Variants in PPP1CA observed in about 807,000 individuals in gnomAD.
The protein encoded by PPP1CA is protein phosphatase 1 catalytic subunit alpha.
PPP1CA carries 14 observed loss-of-function variants against 38.5 expected under a neutral mutation model. That is an observed-to-expected ratio of 0.36 (90% confidence interval 0.24 to 0.57). PPP1CA has a LOEUF of 0.57. PPP1CA is among the 20% of genes least tolerant of loss of function. PPP1CA has a pLI of 0.80. For synonymous variants in PPP1CA, 200 were observed against 177.3 expected (o/e 1.13, Z -1.02); for missense variants, 277 against 435.2 (o/e 0.64, Z 3.23).
rs963126469 is a variant in PPP1CA, at chr11:67,401,762, G to A, written c.21C>T (p.Leu7=). 2.0e-6 allele frequency: 3 copies of A among 1,477,808 alleles called. No individual in the cohort carries two copies. The highest frequency in any genetic ancestry group is 2.7e-6 in the Non-Finnish European group (3 of 1,105,094). 91.5% of individuals were successfully genotyped at this position (1,477,808 alleles called of 1,614,324 possible). A position where few individuals can be genotyped will look rare whatever the true frequency, so the allele number is the denominator to read the frequency against. ...GGCGCCCGATGATCGAGTCCAGGTT[G>A]AGCTTCTCGCTGTCGGACATGGCGG... MSDSEK[L]NLDSIIGRLL... is the part of the protein sequence containing the mutation. The change falls in exon 1 of 7, where the codon CTC becomes CTT. Residue 7 remains leucine, a synonymous_variant. Coordinates refer to ENST00000376745, the MANE Select transcript of PPP1CA (RefSeq NM_002708.4).
chr11:67,398,398 G>C lies in PPP1CA; in HGVS notation c.*137C>G, dbSNP rs1019195800. On this transcript the variant is annotated 3_prime_UTR_variant, in exon 7 of 7. Transcript: ENST00000376745. ...CGCTGCTATTGATTCATTAAAAAAA[G>C]AAAAGAAAAATACACCAAGGCTCCA... is the stretch of plus-strand genomic sequence containing the variant. 2.3e-6 allele frequency: 2 copies of C among 884,730 alleles called. No individual in the cohort carries two copies. The highest frequency in any genetic ancestry group is 5.3e-5 in the East Asian group (2 of 37,620). The allele number at this position is 884,730 out of a possible 1,614,324, so 54.8% of individuals were successfully genotyped here.
chr11:67,399,544 G>C lies in PPP1CA; in HGVS notation c.523+17C>G, dbSNP rs775355562. On this transcript the variant is annotated intron_variant, in intron 4 of 6. Coordinates refer to ENST00000376745, the MANE Select transcript of PPP1CA (RefSeq NM_002708.4). The stretch of plus-strand genomic sequence containing the variant: ...ATGCGGCCAGTGCTCCTCCTCCCCA[G>C]CCATCCCCTCCCTCACCTCCGTGGC... The C allele has an allele frequency of 3.1e-6, 5 of 1,610,530 alleles. No individual in the cohort carries two copies. The South Asian group carries it at 5.5e-5, about 18-fold the overall frequency.
In PPP1CA at chr11:67,399,574, G is replaced by A. The variant is rs1397627501; in HGVS notation, c.510C>T (p.Phe170=). ...PIAAIVDEKI[F]CCHGGLSPDL... is the part of the protein sequence containing the mutation. ...CCCCTCCCTCACCTCCGTGGCAGCA[G>A]AAGATCTTTTCGTCCACTATGGCCG... is the stretch of plus-strand genomic sequence containing the variant. Residue 170 remains phenylalanine (F), a synonymous_variant, in exon 4 of 7, where the codon TTC becomes TTT. Coordinates refer to ENST00000376745, the MANE Select transcript of PPP1CA (RefSeq NM_002708.4). 3 of 1,613,938 alleles carry A rather than the reference G, an allele frequency of 1.9e-6. No homozygotes were observed. The highest frequency in any genetic ancestry group is 2.7e-5 in the African/African-American group (2 of 74,940).
chr11:67,401,343 G>A (rs1343844649), intron 1 of PPP1CA, 144 bp from the exon 2 acceptor site: 13 of 1,401,508 alleles, frequency 9.3e-6, no homozygotes, highest in African/African-American at 1.4e-5. Flanking sequence ...TGAGCCTCCC[G>A]GGACCGCGGC....
chr11:67,401,690 G>C, intron 1 of PPP1CA, 38 bp downstream of exon 1: 1 of 1,374,772 alleles, frequency 7.3e-7, no homozygotes, highest in South Asian at 1.7e-5. Flanking sequence ...CAGGGGGCCA[G>C]GGCGCGGCGG....
In PPP1CA at chr11:67,401,840, G is replaced by C. The variant is rs529400097; in HGVS notation, c.-58C>G. On this transcript the variant is annotated 5_prime_UTR_variant, in exon 1 of 7. Transcript: ENST00000376745. ...GGCCCGCTCCTGCCTCCCGCCCTCC[G>C]GCAGCCTCCTTCCGGCCTGGCTCTC... 6.1e-6 allele frequency: 8 copies of C among 1,316,002 alleles called. No individual in the cohort carries two copies. In the East Asian group the frequency reaches 9.6e-5, roughly 16 times the overall value. 81.5% of individuals were successfully genotyped at this position (1,316,002 alleles called of 1,614,324 possible).
At chr11:67,400,448 G>A (rs576508569) in intron 3 of PPP1CA, among the ~76,000 whole-genome samples, 2 of 152,344 alleles carry the variant, frequency 1.3e-5, no homozygotes, top group East Asian at 3.9e-4. Flanking sequence ...TAGGGGGAGT[G>A]TCACCAGGCA....
In PPP1CA at chr11:67,401,754, T is replaced by C. The variant is rs766387418; in HGVS notation, c.29A>G (p.Asp10Gly). 3 of 1,477,346 alleles carry C rather than the reference T, an allele frequency of 2.0e-6. No individual in the cohort carries two copies. The highest frequency in any genetic ancestry group is 2.7e-6 in the Non-Finnish European group (3 of 1,105,292). The allele number at this position is 1,477,346 out of a possible 1,614,324, so 91.5% of individuals were successfully genotyped here. The change falls in exon 1 of 7, where the codon GAC becomes GGC. Residue 10 changes from aspartate (D) to glycine (G), a missense_variant. Around this residue, in one of 3 missense-constraint regions of PPP1CA, gnomAD observed 44 missense variants for 27.4 expected, o/e 1.60. Coordinates refer to ENST00000376745, the MANE Select transcript of PPP1CA (RefSeq NM_002708.4). MSDSEKLNLDSIIGRLLEVQ... is the reference protein window; with the variant it reads MSDSEKLNLGSIIGRLLEVQ... ...TTCCAGCAGGCGCCCGATGATCGAGTCCAGGTTGAGCTTCTCGCTGTCGGA... is the reference window on the plus strand; with the variant it reads ...TTCCAGCAGGCGCCCGATGATCGAGCCCAGGTTGAGCTTCTCGCTGTCGGA...
intron 1 of PPP1CA, 171 bp downstream of exon 1, chr11:67,401,557 C>G (rs955951598): frequency 1.4e-5 from 8 of 584,428 alleles, no homozygotes; most frequent in African/African-American, 3.9e-5. Context: ...CGCGTCGGAG[C>G]TGGCCCCGGA....
At chr11:67,400,585 G>T in intron 3 of PPP1CA, 104 bp downstream of exon 3, 1 of 1,163,498 alleles carries the variant, frequency 8.6e-7, no homozygotes, top group South Asian at 1.3e-5. Flanking sequence ...GGAGCGCACA[G>T]TCTATCAAGT....
chr11:67,399,697 G>T, intron 3 of PPP1CA, 32 bp from the exon 4 acceptor site: 1 of 1,557,812 alleles, frequency 6.4e-7, no homozygotes, highest in Non-Finnish European at 8.8e-7. Flanking sequence ...TGAGGTGCCT[G>T]CCTACCCCAC....
intron 4 of PPP1CA, 76 bp downstream of exon 4, chr11:67,399,485 A>T: frequency 7.5e-7 from 1 of 1,334,492 alleles, no homozygotes; most frequent in Non-Finnish European, 1.1e-6. Context: ...GACTTCCCAG[A>T]TGAGACCTAA....
In PPP1CA at chr11:67,398,457, GGT is replaced by G; in HGVS notation, c.*76_*77del. 3 of 1,464,930 alleles carry G rather than the reference GGT, an allele frequency of 2.0e-6. No homozygotes were observed. The highest frequency in any genetic ancestry group is 1.9e-6 in the Non-Finnish European group (2 of 1,061,374). 90.7% of individuals were successfully genotyped at this position (1,464,930 alleles called of 1,614,324 possible). ...GTGACAGGTGGGCCTGAGGGGTCGG[GGT>G]GACCCCCCCCCAGCATGGCAGCATG... On this transcript the variant is annotated 3_prime_UTR_variant, in exon 7 of 7. Coordinates refer to ENST00000376745, the MANE Select transcript of PPP1CA (RefSeq NM_002708.4).
At position 67,401,846 on chromosome 11, in the gene PPP1CA, C is replaced by G. The variant is rs1358998498; in HGVS notation, c.-64G>C. ...CTCCTGCCTCCCGCCCTCCGGCAGCCTCCTTCCGGCCTGGCTCTCCTTCCG... is the reference window on the plus strand; with the variant it reads ...CTCCTGCCTCCCGCCCTCCGGCAGCGTCCTTCCGGCCTGGCTCTCCTTCCG... On this transcript the variant is annotated 5_prime_UTR_variant, in exon 1 of 7. Transcript: ENST00000376745. 34 of 1,287,896 alleles carry G rather than the reference C, an allele frequency of 2.6e-5. No individual in the cohort carries two copies. The highest frequency in any genetic ancestry group is 3.4e-5 in the Non-Finnish European group (34 of 1,002,014). The allele number at this position is 1,287,896 out of a possible 1,614,324, so 79.8% of individuals were successfully genotyped here.
chr11:67,401,017 G>C (rs1456515836), intron 2 of PPP1CA, 51 bp downstream of exon 2: 1 of 1,610,536 alleles, frequency 6.2e-7, no homozygotes, highest in East Asian at 2.2e-5. Context: ...GAACTCTGTG[G>C]GGTCCAGTGC....
chr11:67,401,707 G>T lies in PPP1CA; in HGVS notation c.55+21C>A, dbSNP rs1284236987. 2.1e-6 allele frequency: 3 copies of T among 1,419,482 alleles called. No individual in the cohort carries two copies. The South Asian group carries it at 4.5e-5, about 21-fold the overall frequency. The allele number at this position is 1,419,482 out of a possible 1,614,324, so 87.9% of individuals were successfully genotyped here. ...GGGGGCCAGGGCGCGGCGGACGCGG[G>T]CCTCCCCCGCCCCGACCAACCTTCC... is the stretch of plus-strand genomic sequence containing the variant. On this transcript the variant is annotated intron_variant, in intron 1 of 6. Coordinates refer to ENST00000376745, the MANE Select transcript of PPP1CA (RefSeq NM_002708.4).
chr11:67,401,603 C>T, intron 1 of PPP1CA, 125 bp downstream of exon 1: 1 of 902,572 alleles, frequency 1.1e-6, no homozygotes, highest in Non-Finnish European at 1.5e-6. Flanking sequence ...CAGCTGCGGC[C>T]ACGGAACCTC....
In PPP1CA at chr11:67,398,652, G is replaced by C. The variant is rs1252238802; in HGVS notation, c.883-7C>G. 1.9e-6 allele frequency: 3 copies of C among 1,613,900 alleles called. No homozygotes were observed. The highest frequency in any genetic ancestry group is 4.5e-5 in the East Asian group (2 of 44,894). ...TGTCGGCGGGCTTGAGGATCTAAAA[G>C]AGACAGTGTTGGTCAGGCTCATGGG... On this transcript the variant is annotated splice_polypyrimidine_tract_variant and splice_region_variant and intron_variant, in intron 6 of 6. Coordinates refer to ENST00000376745, the MANE Select transcript of PPP1CA (RefSeq NM_002708.4).
In PPP1CA at chr11:67,401,377, C is replaced by T. The variant is rs996186045; in HGVS notation, c.56-178G>A. The T allele has an allele frequency of 4.3e-5, 47 of 1,083,162 alleles. 1 individual carries two copies. The highest frequency in any genetic ancestry group is 1.1e-4 in the Admixed American group (4 of 37,388). 67.1% of individuals were successfully genotyped at this position (1,083,162 alleles called of 1,614,324 possible). On this transcript the variant is annotated intron_variant, in intron 1 of 6. Transcript: ENST00000376745. ...GCCTCAAGCCTCCCAGGGGAAGCCC[C>T]CAGCTACCCTCAGCGCCTCGGGAGG...
Sources: allele counts gnomAD v4.1 joint callset (sites outside exome capture counted in the v4.1 genomes callset), GRCh38; gene constraint gnomAD v4.1.1; regional missense constraint gnomAD v4.1.1; transcripts MANE v1.5; gene names NCBI Gene and HGNC (gene_info 2026-07-23, HGNC 2026-07-21).